The following TBC1D23 variants were observed in gnomAD, a reference collection of about 807,000 sequenced individuals.
TBC1D23 encodes the protein TBC1 domain family member 23, also known as HCV non-structural protein 4A-transactivated protein 1.
In TBC1D23, 55 loss-of-function variants were observed where a neutral mutation model predicts 91.4. That is an observed-to-expected ratio of 0.60 (90% CI 0.48 to 0.75). The LOEUF is 0.75. Among genes scored for constraint, TBC1D23 ranks in the 30% least tolerant of loss-of-function variants. The probability of loss-of-function intolerance (pLI) is 0.00; values close to 1 mark genes in which losing one functional copy is unlikely to be tolerated. For synonymous variants in TBC1D23, 289 were observed against 281.0 expected, an observed-to-expected ratio of 1.03 and a Z score of -0.28; for missense variants, 725 against 836.1, an observed-to-expected ratio of 0.87 and a Z score of 1.64.
intron 5 of TBC1D23, among the ~76,000 whole-genome samples, chr3:100,293,753 C>G (rs1023725219): frequency 1.3e-5 from 2 of 152,150 alleles, no homozygotes; most frequent in Admixed American, 1.3e-4. Flanking sequence ...GTTCCCAACA[C>G]CACTCACTAG....
chr3:100,310,413 C>T lies in TBC1D23; in HGVS notation c.1424C>T (p.Pro475Leu), dbSNP rs1321150100. Residue 475 changes from proline (P) to leucine (L), a missense_variant, in exon 14 of 19, where the codon CCT (proline) becomes CTT (leucine). Transcript: ENST00000394144. ...ATGTTCTTTTTTTAGGGTGAATCTC[C>T]TAATGGCTCAAGTGATAGAGGAATG... ...SSINSVDGES[P>L]NGSSDRGMKS... 5 of 1,611,000 alleles carry T rather than the reference C, an allele frequency of 3.1e-6. No homozygotes were observed. The East Asian group carries it at 8.9e-5, about 29-fold the overall frequency.
chr3:100,319,301 C>A, intron 17 of TBC1D23, 97 bp downstream of exon 17: 1 of 979,336 alleles, frequency 1.0e-6, no homozygotes, highest in Non-Finnish European at 1.6e-6. Context: ...TATCCTAGTA[C>A]AATAAGATAT....
At position 100,324,839 on chromosome 3, in the gene TBC1D23, G is replaced by T. The variant is rs1409412709; in HGVS notation, c.*1171G>T. ...TGGGAAGTTGCAATACCCACAATCT[G>T]ACATGTCCTAAAATGTAAGGGATTA... On this transcript the variant is annotated 3_prime_UTR_variant, in exon 19 of 19. Transcript: ENST00000394144. The T allele has an allele frequency of 6.6e-6, 1 of 152,200 alleles. No homozygotes were observed. The highest frequency in any genetic ancestry group is 2.1e-4 in the South Asian group (1 of 4,836). The allele number at this position is 152,200 out of a possible 1,614,324, so 9.4% of individuals were successfully genotyped here.
In TBC1D23 at chr3:100,295,340, A is replaced by T. The variant is rs1384158968; in HGVS notation, c.764A>T (p.Glu255Val). Residue 255 changes from glutamate to valine, a missense_variant, in exon 7 of 19, where the codon GAA (glutamate) becomes GTA (valine). Physicochemically the swap from Glu to Val is moderately radical, Grantham distance 121. Coordinates refer to ENST00000394144, the MANE Select transcript of TBC1D23 (RefSeq NM_001199198.3). The stretch of plus-strand genomic sequence containing the variant: ...ACACAAGAGTCAGACAGCAAAGAAG[A>T]AGTTATCAGTAAGTATCATTTAATG... ...ILTQESDSKEEVIKFLENTPS... is the reference protein window; with the variant it reads ...ILTQESDSKEVVIKFLENTPS... 4.4e-6 allele frequency: 7 copies of T among 1,608,338 alleles called. No homozygotes were observed. In the South Asian group the frequency reaches 4.4e-5, roughly 10 times the overall value.
At chr3:100,261,122 A>ACCATCTTGCCGGT (rs1311892607) in intron 1 of TBC1D23, 51 bp downstream of exon 1, 5 of 1,557,550 alleles carry the variant, frequency 3.2e-6, no homozygotes, top group Non-Finnish European at 4.4e-6. Flanking sequence ...CTTCCTTCTC[A>ACCATCTTGCCGGT]CCATCTTGCC....
At chr3:100,318,892 A>G (rs371446429) in intron 16 of TBC1D23, among the ~76,000 whole-genome samples, 177 bp from the exon 17 acceptor site, 2 of 152,082 alleles carry the variant, frequency 1.3e-5, no homozygotes, top group East Asian at 3.8e-4. Flanking sequence ...CCCTCAGGTG[A>G]TCTGCCTGCC....
chr3:100,263,097 AAG>A (rs1185721702), intron 1 of TBC1D23, among the ~76,000 whole-genome samples: 5 of 152,318 alleles, frequency 3.3e-5, no homozygotes, highest in Middle Eastern at 3.4e-3. Context: ...TGAGTCCGAA[AAG>A]AGAGTCAGCG....
rs554224571 is a variant in TBC1D23 at position 100,263,835 on chromosome 3, T to G, written c.53+2764T>G. 6.5e-4 allele frequency among the ~76,000 whole-genome samples: 99 copies of G among 152,302 alleles called. 1 individual carries two copies. The highest frequency in any genetic ancestry group is 6.8e-3 in the Middle Eastern group (2 of 294). On this transcript the variant is annotated intron_variant, in intron 1 of 18. Transcript: ENST00000394144. Reference sequence around the variant, plus strand: ...GGGAGTTCTTAGGTTAGAGGGATTGTGAGAATCTCTGGTTCACATGGGCAG... The same window carrying G: ...GGGAGTTCTTAGGTTAGAGGGATTGGGAGAATCTCTGGTTCACATGGGCAG...
Position 100,281,699 on chromosome 3 carries a change from G to T in TBC1D23, c.166-43G>T, listed in dbSNP as rs752100197. On this transcript the variant is annotated intron_variant, in intron 2 of 18. Coordinates refer to ENST00000394144, the MANE Select transcript of TBC1D23 (RefSeq NM_001199198.3). ...TTACAGCATATTTTCCAAGAATGAG[G>T]AATAACATATGAAGCTAGTCACTTT... The T allele has an allele frequency of 4.2e-5, 52 of 1,241,494 alleles. 1 individual carries two copies. In the Admixed American group the frequency reaches 7.9e-4, roughly 19 times the overall value. The allele number at this position is 1,241,494 out of a possible 1,614,324, so 76.9% of individuals were successfully genotyped here. A position where few individuals can be genotyped will look rare whatever the true frequency, so the allele number is the denominator to read the frequency against.
intron 1 of TBC1D23, among the ~76,000 whole-genome samples, chr3:100,268,112 C>T (rs2067571549): frequency 6.6e-6 from 1 of 152,142 alleles, no homozygotes; most frequent in Admixed American, 6.5e-5. Context: ...ATCGAGGCTG[C>T]AGTGAGCTGT....
At chr3:100,283,837 T>G (rs1056115516) in intron 4 of TBC1D23, 26 bp downstream of exon 4, 2 of 1,485,124 alleles carry the variant, frequency 1.3e-6, no homozygotes, top group African/African-American at 2.8e-5. Context: ...GTTATTGTAG[T>G]TTTTAAAAGT....
chr3:100,317,595 T>TG (rs1705772914), intron 16 of TBC1D23, among the ~76,000 whole-genome samples: 1 of 152,208 alleles, frequency 6.6e-6, no homozygotes, highest in Non-Finnish European at 1.5e-5. Flanking sequence ...TTTTAATAGA[T>TG]ACATGAAATC....
chr3:100,318,369 AAGC>A (rs145169975), intron 16 of TBC1D23, among the ~76,000 whole-genome samples: 6,638 of 152,252 alleles, frequency 0.044, 202 homozygotes, highest in Non-Finnish European at 0.066. Flanking sequence ...AAAATCAAAA[AAGC>A]AGCAAGATAA....
intron 1 of TBC1D23, among the ~76,000 whole-genome samples, chr3:100,264,558 G>A (rs559170041): frequency 2.0e-5 from 3 of 152,346 alleles, no homozygotes; most frequent in Non-Finnish European, 2.9e-5. Flanking sequence ...TTATTGTAAT[G>A]TGGTGAGACT....
intron 4 of TBC1D23, among the ~76,000 whole-genome samples, chr3:100,285,855 A>T (rs1391289134): frequency 1.3e-5 from 2 of 151,514 alleles, no homozygotes; most frequent in African/African-American, 4.8e-5. Flanking sequence ...TTGGCAATTT[A>T]TATTTCTTCT....
At chr3:100,297,690 A>G (rs973980422) in intron 8 of TBC1D23, among the ~76,000 whole-genome samples, 1 of 87,612 alleles carries the variant, frequency 1.1e-5, no homozygotes, top group African/African-American at 6.4e-5. Context: ...AGCTATTTAG[A>G]ATGTGTTTTT....
Position 100,320,862 on chromosome 3 carries a change from G to C in TBC1D23, c.1909G>C (p.Ala637Pro). The C allele has an allele frequency of 1.2e-6, 2 of 1,612,942 alleles. No homozygotes were observed. The highest frequency in any genetic ancestry group is 1.7e-6 in the Non-Finnish European group (2 of 1,179,340). Residue 637 changes from alanine (A) to proline (P), a missense_variant, in exon 18 of 19, where the codon GCG becomes CCG. Coordinates refer to ENST00000394144, the MANE Select transcript of TBC1D23 (RefSeq NM_001199198.3). Reference protein sequence around the residue: ...KGLAYIQSRQALNSVVKITSK... With the variant: ...KGLAYIQSRQPLNSVVKITSK... Reference sequence around the variant, plus strand: ...ATTGGCTTATATACAGTCTCGACAAGCGCTGAATTCTGTAGTTAAAATTAC... The same window carrying C: ...ATTGGCTTATATACAGTCTCGACAACCGCTGAATTCTGTAGTTAAAATTAC...
At chr3:100,261,987 TA>T (rs1264820298) in intron 1 of TBC1D23, among the ~76,000 whole-genome samples, 1 of 152,226 alleles carries the variant, frequency 6.6e-6, no homozygotes, top group Non-Finnish European at 1.5e-5. Flanking sequence ...ATGGGCACTT[TA>T]AAAATAATAC....
chr3:100,308,932 T>C (rs1233176299), intron 13 of TBC1D23, among the ~76,000 whole-genome samples: 1 of 152,200 alleles, frequency 6.6e-6, no homozygotes, highest in African/African-American at 2.4e-5. Flanking sequence ...AATTTAAGAA[T>C]TAATACAGCC....
Sources: gnomAD v4.1 joint callset for allele counts (sites outside exome capture counted in the v4.1 genomes callset) on GRCh38, gnomAD v4.1.1 for gene constraint, MANE v1.5 for transcripts, NCBI Gene and HGNC (gene_info 2026-07-23, HGNC 2026-07-21) for gene names.